Variants in LRMDA observed in about 807,000 individuals in gnomAD.
LRMDA encodes leucine rich melanocyte differentiation associated, also known as leucine-rich melanocyte differentiation-associated protein.
In LRMDA, 18 loss-of-function variants were observed where a neutral mutation model predicts 29.8. The observed-to-expected ratio is 0.60, with a 90% CI of 0.42 to 0.90. The LOEUF (loss-of-function observed/expected upper bound fraction) is 0.90, where lower values mean the gene tolerates loss of function less well. Among genes scored for constraint, LRMDA ranks in the 40% least tolerant of loss-of-function variants. The probability of loss-of-function intolerance (pLI) is 0.00; values close to 1 mark genes in which losing one functional copy is unlikely to be tolerated. For missense variants in LRMDA, 273 were observed against 273.9 expected (o/e 1.00, Z 0.02); for synonymous variants, 125 against 109.4 (o/e 1.14, Z -0.89).
intron 2 of LRMDA, among the ~76,000 whole-genome samples, chr10:75,955,387 C>G (rs1319721929): frequency 6.6e-6 from 1 of 152,170 alleles, no homozygotes; most frequent in South Asian, 2.1e-4. Flanking sequence ...TGGGCTCTCA[C>G]CTGGAATCTG....
At chr10:76,259,083 C>G (rs929863297) in intron 5 of LRMDA, among the ~76,000 whole-genome samples, 1 of 152,144 alleles carries the variant, frequency 6.6e-6, no homozygotes, top group African/African-American at 2.4e-5. Context: ...TTCCCACCAA[C>G]AGTGTAAAGA....
intron 2 of LRMDA, among the ~76,000 whole-genome samples, chr10:75,598,502 G>A (rs895148082): frequency 4.6e-5 from 7 of 151,810 alleles, no homozygotes; most frequent in Non-Finnish European, 7.4e-5. Context: ...TTCTGAGAGA[G>A]CTGTCCATGA....
intron 2 of LRMDA, among the ~76,000 whole-genome samples, chr10:75,631,934 A>G (rs1841328770): frequency 6.6e-6 from 1 of 152,060 alleles, no homozygotes; most frequent in Non-Finnish European, 1.5e-5. Flanking sequence ...GCTGCCTGGG[A>G]TGATGATTTT....
intron 2 of LRMDA, among the ~76,000 whole-genome samples, chr10:75,812,470 C>A (rs1843982169): frequency 6.6e-6 from 1 of 152,184 alleles, no homozygotes; most frequent in African/African-American, 2.4e-5. Flanking sequence ...GTGGGAAATG[C>A]AGAGAGGAAC....
chr10:75,449,151 C>CAAAAAAA (rs779723533), intron 2 of LRMDA, among the ~76,000 whole-genome samples: 1 of 50,276 alleles, frequency 2.0e-5, no homozygotes. Context: ...GACTCCATCT[C>CAAAAAAA]AAAAAAAAAA....
chr10:75,683,328 C>T (rs572078796), intron 2 of LRMDA, among the ~76,000 whole-genome samples: 19 of 152,290 alleles, frequency 1.2e-4, no homozygotes, highest in African/African-American at 4.6e-4. Flanking sequence ...CAGTTAGACA[C>T]GCTTGCCTGG....
intron 4 of LRMDA, 96 bp from the exon 5 acceptor site, chr10:76,058,570 C>T (rs1210730254): frequency 9.0e-6 from 9 of 995,154 alleles, no homozygotes; most frequent in Non-Finnish European, 1.4e-5. Flanking sequence ...TTCCAGAAGA[C>T]CGGATGGTGT....
chr10:75,757,042 A>G (rs1843040564), intron 2 of LRMDA, among the ~76,000 whole-genome samples: 1 of 152,248 alleles, frequency 6.6e-6, no homozygotes, highest in African/African-American at 2.4e-5. Flanking sequence ...TTCAATAGGA[A>G]TTTACATTTC....
intron 2 of LRMDA, among the ~76,000 whole-genome samples, chr10:76,028,278 T>A (rs1848093861): frequency 6.6e-6 from 1 of 152,206 alleles, no homozygotes; most frequent in Non-Finnish European, 1.5e-5. Flanking sequence ...GAATTTTCCA[T>A]CCAAGGTTTT....
chr10:75,922,453 C>G (rs1846042954), intron 2 of LRMDA, among the ~76,000 whole-genome samples: 1 of 152,162 alleles, frequency 6.6e-6, no homozygotes, highest in Non-Finnish European at 1.5e-5. Context: ...TGGGAGCCCT[C>G]TTGTCTACTT....
intron 2 of LRMDA, among the ~76,000 whole-genome samples, chr10:75,674,975 C>T (rs1280892009): frequency 6.6e-6 from 1 of 152,172 alleles, no homozygotes; most frequent in Admixed American, 6.5e-5. Flanking sequence ...GAAAGGACAG[C>T]CTTTTGCAGC....
At chr10:75,822,003 A>T (rs989279698) in intron 2 of LRMDA, among the ~76,000 whole-genome samples, 2 of 152,188 alleles carry the variant, frequency 1.3e-5, no homozygotes, top group African/African-American at 4.8e-5. Context: ...AGAGAAAGAA[A>T]TAAAAGTCAT....
rs555893519 is a variant in LRMDA, at chr10:75,832,868, G to A, written c.132-203140G>A. 1.8e-4 allele frequency among the ~76,000 whole-genome samples: 28 copies of A among 152,268 alleles called. No homozygotes were observed. In the South Asian group the frequency reaches 5.6e-3, roughly 30 times the overall value. On this transcript the variant is annotated intron_variant, in intron 2 of 6. Coordinates refer to ENST00000611255, the MANE Select transcript of LRMDA (RefSeq NM_001305581.2). Reference sequence around the variant, plus strand: ...CCATTCACTATCACGAGAACAACACGAGAAAGACCTGCCCCCATGATTCAG... The same window carrying A: ...CCATTCACTATCACGAGAACAACACAAGAAAGACCTGCCCCCATGATTCAG...
chr10:75,575,055 AAG>A (rs1840485845), intron 2 of LRMDA, among the ~76,000 whole-genome samples: 1 of 152,136 alleles, frequency 6.6e-6, no homozygotes, highest in South Asian at 2.1e-4. Flanking sequence ...AAGCAGGAGG[AAG>A]AGAGAGAAGG....
intron 2 of LRMDA, among the ~76,000 whole-genome samples, chr10:76,008,209 T>A (rs1847707946): frequency 6.6e-6 from 1 of 152,074 alleles, no homozygotes; most frequent in African/African-American, 2.4e-5. Flanking sequence ...ACTGTCAAAA[T>A]GGTTCTTTCA....
intron 2 of LRMDA, among the ~76,000 whole-genome samples, chr10:76,027,482 C>T (rs773822249): frequency 1.3e-5 from 2 of 152,026 alleles, no homozygotes; most frequent in African/African-American, 2.4e-5. Context: ...TGGGGGTTAA[C>T]GGTATGTATC....
intron 2 of LRMDA, among the ~76,000 whole-genome samples, chr10:75,561,917 C>G (rs1685694771): frequency 6.6e-6 from 1 of 152,016 alleles, no homozygotes; most frequent in African/African-American, 2.4e-5. Flanking sequence ...AATTTCTGTT[C>G]TTTTACATTT....
intron 2 of LRMDA, among the ~76,000 whole-genome samples, chr10:75,918,025 G>A (rs1216988560): frequency 6.6e-6 from 1 of 152,104 alleles, no homozygotes; most frequent in East Asian, 1.9e-4. Flanking sequence ...CACCCCCAGA[G>A]CTGAAAGCCA....
intron 6 of LRMDA, among the ~76,000 whole-genome samples, chr10:76,349,340 C>T (rs1384569023): frequency 6.6e-6 from 1 of 152,082 alleles, no homozygotes; most frequent in Non-Finnish European, 1.5e-5. Flanking sequence ...TCCAATAAGA[C>T]TATTTAGAAA....
Sources: gnomAD v4.1 joint callset for allele counts (sites outside exome capture counted in the v4.1 genomes callset) on GRCh38, gnomAD v4.1.1 for gene constraint, MANE v1.5 for transcripts, NCBI Gene and HGNC (gene_info 2026-07-23, HGNC 2026-07-21) for gene names.